Variants in PLPP4 observed in about 807,000 individuals in gnomAD.
The protein encoded by PLPP4 is phospholipid phosphatase 4.
Under a neutral mutation model 32.2 loss-of-function variants are expected in PLPP4, and 20 were observed. That is an observed-to-expected ratio of 0.62 (90% CI 0.44 to 0.90). The LOEUF is 0.90. PLPP4 is among the 40% of genes least tolerant of loss of function. PLPP4 has a pLI of 0.00. For synonymous variants in PLPP4, 127 were observed against 133.0 expected (o/e 0.95, Z 0.31); for missense variants, 257 against 353.1 (o/e 0.73, Z 2.18).
intron 6 of PLPP4, among the ~76,000 whole-genome samples, chr10:120,580,642 TACACACACACAC>T (rs59076083): frequency 4.0e-4 from 38 of 95,670 alleles, no homozygotes; most frequent in Non-Finnish European, 7.6e-4. Context: ...CTCTGTCTCT[TACACACACACAC>T]ACACACACAC....
intron 5 of PLPP4, among the ~76,000 whole-genome samples, chr10:120,527,935 C>T (rs575437539): frequency 2.0e-5 from 3 of 152,172 alleles, no homozygotes; most frequent in African/African-American, 7.2e-5. Flanking sequence ...TTGGGCAGGC[C>T]TTTGCATAAA....
intron 3 of PLPP4, 121 bp from the exon 4 acceptor site, chr10:120,518,712 C>T (rs1272488196): frequency 4.0e-6 from 3 of 746,344 alleles, no homozygotes; most frequent in African/African-American, 3.5e-5. Flanking sequence ...AGTATTCGTT[C>T]ATATTTCTCT....
At chr10:120,463,183 C>T (rs558656693) in intron 1 of PLPP4, among the ~76,000 whole-genome samples, 30 of 152,030 alleles carry the variant, frequency 2.0e-4, no homozygotes, top group South Asian at 1.0e-3. Context: ...CCCGCCACCA[C>T]GCCTGGCTAA....
chr10:120,460,150 T>C (rs1436774900), intron 1 of PLPP4, among the ~76,000 whole-genome samples: 1 of 152,164 alleles, frequency 6.6e-6, no homozygotes, highest in Non-Finnish European at 1.5e-5. Context: ...TAACAGAAGA[T>C]AAATTGGTTA....
intron 1 of PLPP4, among the ~76,000 whole-genome samples, chr10:120,480,452 G>A (rs1005321538): frequency 5.3e-5 from 8 of 152,146 alleles, no homozygotes; most frequent in South Asian, 4.2e-4. Flanking sequence ...TCAAATTTGC[G>A]AATGACAGAA....
At chr10:120,561,435 A>C (rs979676691) in intron 5 of PLPP4, among the ~76,000 whole-genome samples, 1 of 152,106 alleles carries the variant, frequency 6.6e-6, no homozygotes, top group Non-Finnish European at 1.5e-5. Flanking sequence ...TCATGTAAGG[A>C]TGGGTCTTTT....
intron 5 of PLPP4, 67 bp from the exon 6 acceptor site, chr10:120,575,064 C>G: frequency 6.5e-7 from 1 of 1,535,294 alleles, no homozygotes; most frequent in Non-Finnish European, 8.9e-7. Flanking sequence ...GACGGAATGC[C>G]CAGCACGCAC....
At chr10:120,534,578 AT>A (rs1299459773) in intron 5 of PLPP4, among the ~76,000 whole-genome samples, 1 of 152,006 alleles carries the variant, frequency 6.6e-6, no homozygotes, top group East Asian at 1.9e-4. Flanking sequence ...CTTCCATTAC[AT>A]CTACATTGGT....
chr10:120,543,797 C>T (rs1847476447), intron 5 of PLPP4, among the ~76,000 whole-genome samples: 1 of 152,156 alleles, frequency 6.6e-6, no homozygotes, highest in African/African-American at 2.4e-5. Context: ...CCCTGGCAAC[C>T]ACCACTCTGT....
At chr10:120,489,568 G>T (rs904309669) in intron 1 of PLPP4, among the ~76,000 whole-genome samples, 1 of 152,162 alleles carries the variant, frequency 6.6e-6, no homozygotes, top group African/African-American at 2.4e-5. Context: ...AAGACCTTGG[G>T]GTGGGCATTT....
intron 4 of PLPP4, among the ~76,000 whole-genome samples, chr10:120,520,613 C>T (rs1235354226): frequency 6.6e-6 from 1 of 152,154 alleles, no homozygotes; most frequent in Non-Finnish European, 1.5e-5. Flanking sequence ...CCAGAGGACA[C>T]TGCTTAGGTG....
intron 5 of PLPP4, among the ~76,000 whole-genome samples, chr10:120,558,373 T>G (rs568319718): frequency 2.6e-5 from 4 of 151,788 alleles, no homozygotes; most frequent in African/African-American, 7.2e-5. Flanking sequence ...TTTATTGATG[T>G]ATGTAGCAGG....
intron 1 of PLPP4, among the ~76,000 whole-genome samples, chr10:120,485,804 C>T (rs1409578119): frequency 2.6e-5 from 4 of 152,246 alleles, no homozygotes; most frequent in Non-Finnish European, 5.9e-5. Context: ...TTGCCCATCT[C>T]TCCTTGTAAG....
At chr10:120,492,207 C>T (rs1472519911) in intron 1 of PLPP4, among the ~76,000 whole-genome samples, 1 of 152,110 alleles carries the variant, frequency 6.6e-6, no homozygotes, top group Non-Finnish European at 1.5e-5. Context: ...CCCAGGTTTA[C>T]GTAGACCAGG....
chr10:120,582,730 C>A (rs1849565221), intron 6 of PLPP4, among the ~76,000 whole-genome samples: 1 of 150,288 alleles, frequency 6.7e-6, no homozygotes, highest in South Asian at 2.1e-4. Context: ...TAAAAATAAA[C>A]AAAAGGTTAT....
intron 1 of PLPP4, among the ~76,000 whole-genome samples, chr10:120,469,714 A>C (rs1442301068): frequency 6.6e-6 from 1 of 152,198 alleles, no homozygotes; most frequent in African/African-American, 2.4e-5. Flanking sequence ...TGCCTATTCC[A>C]TTCTCTTCAC....
At chr10:120,571,473 C>T (rs1195879951) in intron 5 of PLPP4, among the ~76,000 whole-genome samples, 1 of 152,086 alleles carries the variant, frequency 6.6e-6, no homozygotes, top group African/African-American at 2.4e-5. Flanking sequence ...TCCCCCTCCT[C>T]ACAGTGTGTA....
In PLPP4 at chr10:120,591,160, G is replaced by A. The variant is rs1849980361; in HGVS notation, c.*1658G>A. On this transcript the variant is annotated 3_prime_UTR_variant, in exon 7 of 7. Transcript: ENST00000398250. ...ATGGTCAGCTTATCAGCCCTGGGCTGCGTGTGCAAGTTAGAAGCATCAGAA... is the reference window on the plus strand; with the variant it reads ...ATGGTCAGCTTATCAGCCCTGGGCTACGTGTGCAAGTTAGAAGCATCAGAA... 6.6e-6 allele frequency among the ~76,000 whole-genome samples: 1 copy of A among 152,184 alleles called. No individual in the cohort carries two copies. The highest frequency in any genetic ancestry group is 2.4e-5 in the African/African-American group (1 of 41,452).
chr10:120,574,129 T>TACACAC (rs751622346), intron 5 of PLPP4, among the ~76,000 whole-genome samples: 587 of 56,964 alleles, frequency 0.01, 26 homozygotes, highest in Middle Eastern at 0.014. Flanking sequence ...ATCTGGGGAG[T>TACACAC]ACACACACAC....
Sources: allele counts gnomAD v4.1 joint callset (sites outside exome capture counted in the v4.1 genomes callset), GRCh38; gene constraint gnomAD v4.1.1; transcripts MANE v1.5; gene names NCBI Gene and HGNC (gene_info 2026-07-23, HGNC 2026-07-21).